Variants in C13orf42 observed in about 807,000 individuals in gnomAD.
C13orf42 encodes the protein chromosome 13 open reading frame 42.
Position 51,111,039 on chromosome 13 carries a change from T to C in C13orf42, c.171A>G (p.Lys57=), listed in dbSNP as rs556599069. 1.1e-4 allele frequency: 43 copies of C among 398,664 alleles called. No individual in the cohort carries two copies. Among genetic ancestry groups the C allele is most frequent in the Admixed American group, 1.1e-3 (24 of 22,732 alleles). 24.7% of individuals were successfully genotyped at this position (398,664 alleles called of 1,614,324 possible). ...EKFSESLKKY[K]STSSMDTSLY... is the part of the protein sequence containing the mutation. ...GGCTGGTGTCCATGCTACTGGTGCT[T>C]TTGTACTTCTTTAAGGACTCGCTGA... The change falls in exon 1 of 4, where the codon AAA becomes AAG. Residue 57 remains lysine, a synonymous_variant. Transcript: ENST00000563710.
chr13:51,130,391 T>A (rs763744280), intron 1 of C13orf42, among the ~76,000 whole-genome samples: 21 of 152,160 alleles, frequency 1.4e-4, no homozygotes, highest in Non-Finnish European at 2.4e-4. Context: ...AAAAGAGATT[T>A]TATATAAGAA....
At chr13:51,107,142 C>A (rs1281655931) in intron 1 of C13orf42, among the ~76,000 whole-genome samples, 1 of 152,164 alleles carries the variant, frequency 6.6e-6, no homozygotes, top group Non-Finnish European at 1.5e-5. Flanking sequence ...GTCTTCTAGG[C>A]TCTGGGTATC....
chr13:51,105,287 T>C (rs1487819970), intron 1 of C13orf42, among the ~76,000 whole-genome samples: 1 of 152,136 alleles, frequency 6.6e-6, no homozygotes, highest in Non-Finnish European at 1.5e-5. Flanking sequence ...CTCTGAGAAA[T>C]CACCATAGGA....
At chr13:51,123,668 C>G (rs967678632) in intron 1 of C13orf42, among the ~76,000 whole-genome samples, 7 of 152,202 alleles carry the variant, frequency 4.6e-5, no homozygotes, top group Non-Finnish European at 5.9e-5. Flanking sequence ...CAATCTGCCT[C>G]TATCACCTAA....
intron 1 of C13orf42, among the ~76,000 whole-genome samples, chr13:51,155,828 C>T (rs1053112430): frequency 3.9e-5 from 6 of 152,150 alleles, no homozygotes; most frequent in African/African-American, 1.2e-4. Flanking sequence ...ACCTCAGAGG[C>T]GGGGTCTTGT....
chr13:51,114,647 G>GATAGGT (rs10681325), upstream of C13orf42, among the ~76,000 whole-genome samples: 1 of 63,292 alleles, frequency 1.6e-5, no homozygotes, highest in East Asian at 4.9e-4. Flanking sequence ...TAGATAGATA[G>GATAGGT]AGATAGACAG....
intron 1 of C13orf42, among the ~76,000 whole-genome samples, chr13:51,108,170 TA>T (rs1953382297): frequency 6.6e-6 from 1 of 152,164 alleles, no homozygotes; most frequent in Non-Finnish European, 1.5e-5. Flanking sequence ...CCTATGGGAT[TA>T]GGGGCCCACC....
intron 1 of C13orf42, among the ~76,000 whole-genome samples, chr13:51,135,685 C>T (rs1185105232): frequency 6.6e-6 from 1 of 151,642 alleles, no homozygotes; most frequent in Non-Finnish European, 1.5e-5. Context: ...AAAAAGAAAA[C>T]TCCTCTAGTG....
At chr13:51,167,622 A>G (rs994914553) in intron 1 of C13orf42, among the ~76,000 whole-genome samples, 32 of 152,318 alleles carry the variant, frequency 2.1e-4, no homozygotes, top group Middle Eastern at 6.8e-3. Flanking sequence ...AGAGACTGCA[A>G]GTCTCTTTGT....
rs145860398 is a variant in C13orf42 at position 51,164,433 on chromosome 13, G to A, written n.136+7820C>T. Among the ~76,000 whole-genome samples, 410 of 152,300 alleles carry A rather than the reference G, an allele frequency of 2.7e-3. 2 individuals are homozygous for A. Among genetic ancestry groups the A allele is most frequent in the Middle Eastern group, 0.01 (3 of 294 alleles). ...CCACAGCACTTTGGGAAGTTGACGC[G>A]GGAGGATCACTGGAAGCCAGGAGTT... On this transcript the variant is annotated intron_variant and non_coding_transcript_variant, in intron 1 of 4. Coordinates refer to the C13orf42 transcript ENST00000433280.
chr13:51,119,862 C>CA (rs1953519519), intron 1 of C13orf42, among the ~76,000 whole-genome samples: 2 of 151,968 alleles, frequency 1.3e-5, no homozygotes. Flanking sequence ...TACTTAACGC[C>CA]ACTAAATTGT....
At chr13:51,103,216 T>C (rs1953311631) in intron 1 of C13orf42, among the ~76,000 whole-genome samples, 1 of 152,200 alleles carries the variant, frequency 6.6e-6, no homozygotes, top group Non-Finnish European at 1.5e-5. Flanking sequence ...TAGTCAGGCT[T>C]GGGTCCACTT....
At chr13:51,144,204 C>T (rs2138032595) in intron 1 of C13orf42, among the ~76,000 whole-genome samples, 1 of 152,182 alleles carries the variant, frequency 6.6e-6, no homozygotes, top group Admixed American at 6.5e-5. Flanking sequence ...AGAGGAAAAA[C>T]TTTCAGGACT....
chr13:51,164,861 T>TGTG lies in C13orf42; in HGVS notation n.136+7389_136+7391dup, dbSNP rs147143710. Among the ~76,000 whole-genome samples, 121 of 152,148 alleles carry TGTG rather than the reference T, an allele frequency of 8.0e-4. 2 individuals are homozygous for TGTG. In the East Asian group the frequency reaches 0.023, roughly 29 times the overall value. ...TGACATGGACTGAGATCAGGAAAGA[T>TGTG]GTGGGTGTTGCAGGTTTGAAGAGGG... On this transcript the variant is annotated intron_variant and non_coding_transcript_variant, in intron 1 of 4. Coordinates refer to the C13orf42 transcript ENST00000433280.
chr13:51,105,937 T>C (rs1160025306), intron 1 of C13orf42, among the ~76,000 whole-genome samples: 2 of 152,246 alleles, frequency 1.3e-5, no homozygotes, highest in African/African-American at 2.4e-5. Context: ...AGATACTTTG[T>C]AGAATGAGCT....
chr13:51,099,876 T>A (rs1953269371), intron 1 of C13orf42, among the ~76,000 whole-genome samples: 1 of 152,214 alleles, frequency 6.6e-6, no homozygotes, highest in East Asian at 1.9e-4. Context: ...ATGTAAATGA[T>A]CATTTGGCTT....
At chr13:51,136,779 G>A (rs557537931) in intron 1 of C13orf42, among the ~76,000 whole-genome samples, 20 of 152,334 alleles carry the variant, frequency 1.3e-4, no homozygotes, top group South Asian at 8.3e-4. Flanking sequence ...AGCCTGGCGC[G>A]AGGCCCTGAG....
At chr13:51,111,903 G>A (rs1449077592), upstream of C13orf42, among the ~76,000 whole-genome samples, 5 of 152,034 alleles carry the variant, frequency 3.3e-5, no homozygotes, top group Admixed American at 1.3e-4. Context: ...CCTCACAGCC[G>A]TTACCGGATA....
chr13:51,114,011 T>G (rs1478836524), upstream of C13orf42, among the ~76,000 whole-genome samples: 1 of 152,242 alleles, frequency 6.6e-6, no homozygotes, highest in Non-Finnish European at 1.5e-5. Context: ...ACTTGCTTTA[T>G]TCCAGAATTT....
Sources: gnomAD v4.1 joint callset for allele counts (sites outside exome capture counted in the v4.1 genomes callset) on GRCh38, gnomAD v4.1.1 for gene constraint, MANE v1.5 for transcripts, NCBI Gene and HGNC (gene_info 2026-07-23, HGNC 2026-07-21) for gene names.